PIGB: variants seen among roughly 807,000 people sequenced by gnomAD.
PIGB encodes GPI alpha-1,2-mannosyltransferase 3.
In PIGB, 58 loss-of-function variants were observed where a neutral mutation model predicts 68.4. The ratio of observed to expected loss-of-function variants is 0.85; its 90% confidence interval spans 0.69 to 1.06. The LOEUF is 1.06. Ranked by LOEUF, PIGB falls within the 50% of genes least tolerant of loss-of-function variation. The pLI, the probability that PIGB is intolerant of heterozygous loss-of-function variation, is 0.00. For synonymous variants in PIGB, 219 were observed against 220.5 expected, an observed-to-expected ratio of 0.99 and a Z score of 0.06; for missense variants, 634 against 655.8, an observed-to-expected ratio of 0.97 and a Z score of 0.36.
intron 5 of PIGB, among the ~76,000 whole-genome samples, chr15:55,332,004 G>GTC (rs576816826): frequency 2.0e-5 from 3 of 151,134 alleles, no homozygotes; most frequent in Admixed American, 6.6e-5. Context: ...TCGAGACAGT[G>GTC]TCTCTCTCTG....
At chr15:55,342,929 TA>T (rs780773569) in intron 9 of PIGB, among the ~76,000 whole-genome samples, 3 of 151,740 alleles carry the variant, frequency 2.0e-5, no homozygotes, top group African/African-American at 2.4e-5. Context: ...ATTAAGACCT[TA>T]AAAAAAATCA....
chr15:55,350,629 C>T, intron 9 of PIGB, 70 bp from the exon 10 acceptor site: 2 of 917,906 alleles, frequency 2.2e-6, no homozygotes, highest in Non-Finnish European at 3.5e-6. Context: ...TTAAAAATTA[C>T]AGATGTATTT....
Position 55,347,221 on chromosome 15 carries a change from T to A in PIGB, c.1124-3478T>A, listed in dbSNP as rs796562939. ...GGCTGTGGCGGGCAGATCACCTGAGTTTGAGACCAGCCTGGCCAACATGGT... is the reference window on the plus strand; with the variant it reads ...GGCTGTGGCGGGCAGATCACCTGAGATTGAGACCAGCCTGGCCAACATGGT... On this transcript the variant is annotated intron_variant, in intron 9 of 11. Transcript: ENST00000164305. Among the ~76,000 whole-genome samples, 17 of 152,040 alleles carry A rather than the reference T, an allele frequency of 1.1e-4. 1 individual carries two copies. The highest frequency in any genetic ancestry group is 4.1e-4 in the African/African-American group (17 of 41,474).
intron 6 of PIGB, among the ~76,000 whole-genome samples, chr15:55,338,013 AG>A (rs1201508644): frequency 6.6e-6 from 1 of 152,204 alleles, no homozygotes; most frequent in African/African-American, 2.4e-5. Context: ...GGGAAGAGGA[AG>A]GGTTACCTTT....
chr15:55,350,011 G>C (rs551960366), intron 9 of PIGB: 2 of 152,090 alleles, frequency 1.3e-5, no homozygotes, highest in South Asian at 4.2e-4. Context: ...CATTCTACTT[G>C]GTTTTTTCCT....
rs1159881818 is a variant in PIGB, at chr15:55,354,006, A to AAATAAAAAATAAAAAAT, written c.1338-790_1338-789insTAAAAAATAAAAAATAA. ...TTCTCAATCATCTTAAATAAAAAAA[A>AAATAAAAAATAAAAAAT]AAAACACTTCAAACTTGCCATGTGG... is the stretch of plus-strand genomic sequence containing the variant. On this transcript the variant is annotated intron_variant, in intron 10 of 11. Coordinates refer to ENST00000164305, the MANE Select transcript of PIGB (RefSeq NM_004855.5). Among the ~76,000 whole-genome samples the AAATAAAAAATAAAAAAT allele has an allele frequency of 3.3e-5, 5 of 152,186 alleles. No homozygotes were observed. The South Asian group carries it at 1.0e-3, about 32-fold the overall frequency.
In PIGB at chr15:55,354,965, G is replaced by A. The variant is rs1358149461; in HGVS notation, c.1505G>A (p.Ser502Asn). The A allele has an allele frequency of 6.2e-7, 1 of 1,610,810 alleles. No individual in the cohort carries two copies. Residue 502 changes from serine to asparagine, a missense_variant, in exon 11 of 12, where the codon AGC (serine) becomes AAC (asparagine). Physicochemically the swap from Ser to Asn is conservative, Grantham distance 46. Transcript: ENST00000164305. ...ASLPTHLITF[S>N]ILEEEISAFL... is the part of the protein sequence containing the mutation. The stretch of plus-strand genomic sequence containing the variant: ...TTGCCTACTCACTTGATCACCTTCA[G>A]CATTTTGGAAGAGGTAAGTAAACAT...
intron 6 of PIGB, among the ~76,000 whole-genome samples, chr15:55,335,547 G>A (rs1261809203): frequency 6.6e-6 from 1 of 152,140 alleles, no homozygotes; most frequent in East Asian, 1.9e-4. Context: ...ATATATATTT[G>A]TCAAGTGATG....
chr15:55,324,877 T>C, intron 3 of PIGB: 1 of 876,810 alleles, frequency 1.1e-6, no homozygotes, highest in Non-Finnish European at 1.4e-6. Context: ...CAGGGCACAG[T>C]TTATGTGAAA....
chr15:55,339,493 T>A (rs926484301), intron 7 of PIGB, among the ~76,000 whole-genome samples, 175 bp downstream of exon 7: 1 of 152,242 alleles, frequency 6.6e-6, no homozygotes, highest in Non-Finnish European at 1.5e-5. Flanking sequence ...GAATTAGTAC[T>A]CCTAGCTAAT....
intron 2 of PIGB, 82 bp from the exon 3 acceptor site, chr15:55,321,191 G>C (rs1026603888): frequency 9.3e-6 from 12 of 1,287,104 alleles, no homozygotes; most frequent in African/African-American, 1.5e-5. Flanking sequence ...CTGGGCAAGA[G>C]AGTGAGACCC....
intron 9 of PIGB, chr15:55,349,427 T>A (rs955212038): frequency 6.6e-6 from 1 of 152,196 alleles, no homozygotes; most frequent in African/African-American, 2.4e-5. Context: ...AATCCTCTCA[T>A]CTCAGCTATT....
Position 55,325,989 on chromosome 15 carries a change from G to C in PIGB, c.418-1542G>C, listed in dbSNP as rs535179846. On this transcript the variant is annotated intron_variant, in intron 3 of 11. Coordinates refer to ENST00000164305, the MANE Select transcript of PIGB (RefSeq NM_004855.5). ...AGGCAGGCGGATTGCCTGAGTTCAG[G>C]AGTTCGAGACCAGCCTGGGCAACAT... 1.2e-4 allele frequency among the ~76,000 whole-genome samples: 18 copies of C among 152,070 alleles called. 1 individual carries two copies. In the East Asian group the frequency reaches 3.5e-3, roughly 29 times the overall value.
rs545919958 is a variant in PIGB at position 55,343,106 on chromosome 15, A to T, written c.1123+1304A>T. On this transcript the variant is annotated intron_variant, in intron 9 of 11. Transcript: ENST00000164305. ...CAACTCCTACAGATCTGAGATGTAT[A>T]ATCTCTTCAATTTAAGAAGATAAAC... 3 of 152,318 alleles carry T rather than the reference A, an allele frequency of 2.0e-5. No homozygotes were observed. The East Asian group carries it at 5.8e-4, about 29-fold the overall frequency. The allele number at this position is 152,318 out of a possible 1,614,324, so 9.4% of individuals were successfully genotyped here. A position where few individuals can be genotyped will look rare whatever the true frequency, so the allele number is the denominator to read the frequency against.
intron 4 of PIGB, among the ~76,000 whole-genome samples, chr15:55,327,923 C>T: frequency 6.6e-6 from 1 of 152,320 alleles, no homozygotes; most frequent in Non-Finnish European, 1.5e-5. Context: ...GTCCTTGCCT[C>T]TCTTTCCATA....
intron 6 of PIGB, 24 bp downstream of exon 6, chr15:55,334,031 A>G (rs1381926880): frequency 2.0e-6 from 3 of 1,515,358 alleles, no homozygotes; most frequent in Non-Finnish European, 2.7e-6. Flanking sequence ...TAATCCATCC[A>G]TTTATTTTAG....
intron 5 of PIGB, among the ~76,000 whole-genome samples, chr15:55,332,367 T>A (rs999044155): frequency 6.8e-6 from 1 of 146,506 alleles, no homozygotes; most frequent in East Asian, 2.0e-4. Context: ...GAATTCATTC[T>A]TTTTTTTTTT....
chr15:55,343,563 T>TTGAGTTGTC (rs930763953), intron 9 of PIGB: 3 of 152,194 alleles, frequency 2.0e-5, no homozygotes, highest in Non-Finnish European at 2.9e-5. Context: ...TACACAAAGA[T>TTGAGTTGTC]TGAGTTGTCT....
intron 9 of PIGB, chr15:55,349,878 G>A (rs1035021058): frequency 2.0e-5 from 3 of 152,120 alleles, no homozygotes; most frequent in Admixed American, 6.6e-5. Context: ...CTTTTCCAGT[G>A]GAAAGGCCTG....
Sources: gnomAD v4.1 joint callset for allele counts (sites outside exome capture counted in the v4.1 genomes callset) on GRCh38, gnomAD v4.1.1 for gene constraint, MANE v1.5 for transcripts, NCBI Gene and HGNC (gene_info 2026-07-23, HGNC 2026-07-21) for gene names.